The following GALC variants were observed in gnomAD, a reference collection of about 807,000 sequenced individuals.
GALC encodes galactocerebrosidase.
Under a neutral mutation model 91.8 loss-of-function variants are expected in GALC, and 77 were observed. That is an observed-to-expected ratio of 0.84 (90% CI 0.70 to 1.01). The LOEUF (loss-of-function observed/expected upper bound fraction) is 1.01. GALC is among the 50% of genes least tolerant of loss of function. GALC has a pLI of 0.00. For synonymous variants in GALC, 357 were observed against 306.7 expected, an observed-to-expected ratio of 1.16 and a Z score of -1.71; for missense variants, 882 against 855.9, an observed-to-expected ratio of 1.03 and a Z score of -0.38.
At chr14:87,993,479 AC>A (rs1555384465), upstream of GALC, 4 of 1,535,276 alleles carry the variant, frequency 2.6e-6, no homozygotes, top group Non-Finnish European at 3.5e-6. Flanking sequence ...GAGTGGCCCT[AC>A]CATGGCTCTT....
chr14:87,992,317 A>G, intron 1 of GALC: 2 of 1,535,756 alleles, frequency 1.3e-6, no homozygotes, highest in Non-Finnish European at 1.7e-6. Flanking sequence ...AAGGTCGGCC[A>G]CCATGAAGCC....
intron 14 of GALC, among the ~76,000 whole-genome samples, chr14:87,942,300 A>G (rs1371589176): frequency 6.6e-6 from 1 of 152,014 alleles, no homozygotes; most frequent in East Asian, 1.9e-4. Context: ...ATTTTCCCCT[A>G]TGAAGTATCT....
rs779883142 is a variant in GALC at position 87,993,171 on chromosome 14, G to A, written c.-7C>T. 3 of 1,586,918 alleles carry A rather than the reference G, an allele frequency of 1.9e-6. No individual in the cohort carries two copies. Among genetic ancestry groups the A allele is most frequent in the Middle Eastern group, 1.7e-4 (1 of 6,052 alleles). On this transcript the variant is annotated 5_prime_UTR_variant, in exon 1 of 17. Transcript: ENST00000261304. ...AGAGTAGCCACTCAGCCATTGTGTG[G>A]GTCACATGACTCCGGCGCCCAGGGA...
In GALC at chr14:87,949,940, A is replaced by G. The variant is rs768173742; in HGVS notation, c.1252-9T>C. ...AGCTCTGGTATTTCACTCTGTAAAG[A>G]AAAGACAAAAAAGCATGGCTGAGTA... On this transcript the variant is annotated splice_polypyrimidine_tract_variant and intron_variant, in intron 11 of 16. Coordinates refer to ENST00000261304, the MANE Select transcript of GALC (RefSeq NM_000153.4). 3.6e-6 allele frequency: 5 copies of G among 1,388,444 alleles called. No individual in the cohort carries two copies. In the South Asian group the frequency reaches 5.8e-5, roughly 16 times the overall value. 86.0% of individuals were successfully genotyped at this position (1,388,444 alleles called of 1,614,324 possible).
At chr14:87,978,184 T>C (rs1312086261) in intron 6 of GALC, among the ~76,000 whole-genome samples, 1 of 152,152 alleles carries the variant, frequency 6.6e-6, no homozygotes, top group Non-Finnish European at 1.5e-5. Flanking sequence ...CTCAAGTAGC[T>C]GGGATTACAG....
At chr14:87,952,896 T>C in intron 10 of GALC, 1 of 964,278 alleles carries the variant, frequency 1.0e-6, no homozygotes, top group South Asian at 1.3e-5. Flanking sequence ...AACTGAAAAG[T>C]ATCAAAAGCT....
chr14:87,974,962 TAAGAA>T (rs1199519881), intron 7 of GALC, among the ~76,000 whole-genome samples: 1 of 152,060 alleles, frequency 6.6e-6, no homozygotes, highest in Non-Finnish European at 1.5e-5. Context: ...AATATTTTTA[TAAGAA>T]AATATATTTA....
At chr14:87,988,708 T>C (rs1423337251) in intron 1 of GALC, among the ~76,000 whole-genome samples, 185 bp from the exon 2 acceptor site, 1 of 150,956 alleles carries the variant, frequency 6.6e-6, no homozygotes, top group African/African-American at 2.4e-5. Context: ...GTAGGGCTGC[T>C]GTCTGTCCGA....
intron 8 of GALC, among the ~76,000 whole-genome samples, chr14:87,967,137 A>G (rs1350829480): frequency 1.3e-5 from 2 of 152,244 alleles, no homozygotes; most frequent in African/African-American, 4.8e-5. Context: ...AAAATGATGA[A>G]GTAGAAATAT....
At chr14:87,953,764 G>C (rs1885405001) in intron 10 of GALC, 2 of 1,603,224 alleles carry the variant, frequency 1.2e-6, no homozygotes, top group Non-Finnish European at 1.7e-6. Context: ...TGAATTTAAG[G>C]GTATTAAAAA....
At chr14:87,964,659 C>CG (rs1566989826) in intron 9 of GALC, among the ~76,000 whole-genome samples, 1 of 152,022 alleles carries the variant, frequency 6.6e-6, no homozygotes, top group African/African-American at 2.4e-5. Context: ...TCAATAAAAA[C>CG]GGATGTATTA....
At position 87,934,402 on chromosome 14, in the gene GALC, A is replaced by G; in HGVS notation, c.*330T>C. 1 of 1,274,768 alleles carries G rather than the reference A, an allele frequency of 7.8e-7. No individual in the cohort carries two copies. Among genetic ancestry groups the G allele is most frequent in the Non-Finnish European group, 1.0e-6 (1 of 1,002,954 alleles). 79.0% of individuals were successfully genotyped at this position (1,274,768 alleles called of 1,614,324 possible). ...CTGCCATCTACAGGACCGCTTGCAAATAAGATGAAGAGAGCTACCTCAGTG... is the reference window on the plus strand; with the variant it reads ...CTGCCATCTACAGGACCGCTTGCAAGTAAGATGAAGAGAGCTACCTCAGTG... On this transcript the variant is annotated 3_prime_UTR_variant, in exon 17 of 17. Coordinates refer to ENST00000261304, the MANE Select transcript of GALC (RefSeq NM_000153.4).
intron 16 of GALC, 100 bp from the exon 17 acceptor site, chr14:87,934,978 T>G: frequency 1.2e-6 from 1 of 828,616 alleles, no homozygotes; most frequent in African/African-American, 1.7e-5. Context: ...GGAGCAAATG[T>G]ACTACTCACT....
intron 10 of GALC, 113 bp downstream of exon 10, chr14:87,963,271 C>CATCTGTCT: frequency 9.0e-7 from 1 of 1,117,094 alleles, no homozygotes; most frequent in East Asian, 2.5e-5. Flanking sequence ...AAGATCTTGG[C>CATCTGTCT]ATCTGTCTGT....
chr14:87,939,093 T>A lies in GALC; in HGVS notation c.1911+812A>T, dbSNP rs151297544. ...TATGAGTTTGGAAAAAATCTTCAAA[T>A]TCAATAATAGTGAATATTATTATAA... On this transcript the variant is annotated intron_variant, in intron 16 of 16. Transcript: ENST00000261304. Among the ~76,000 whole-genome samples the A allele has an allele frequency of 1.3e-3, 194 of 152,074 alleles. 1 individual carries two copies. The highest frequency in any genetic ancestry group is 4.4e-3 in the African/African-American group (182 of 41,536).
rs926735313 is a variant in GALC at position 87,984,432 on chromosome 14, C to T, written c.544G>A (p.Ala182Thr). 29 of 1,613,806 alleles carry T rather than the reference C, an allele frequency of 1.8e-5. No individual in the cohort carries two copies. Among genetic ancestry groups the T allele is most frequent in the Non-Finnish European group, 2.2e-5 (26 of 1,179,870 alleles). Residue 182 changes from alanine to threonine, a missense_variant, in exon 5 of 17, where the codon GCC (alanine) becomes ACC (threonine). Ala to Thr is a moderately conservative substitution (Grantham distance 58). Coordinates refer to ENST00000261304, the MANE Select transcript of GALC (RefSeq NM_000153.4). ...ATGTCCAAATCATGGTAACGCTTGG[C>T]GCCCACAATCCAGGTCACGACATAA... is the stretch of plus-strand genomic sequence containing the variant. ...AYYVVTWIVG[A>T]KRYHDLDIDY... is the part of the protein sequence containing the mutation.
chr14:87,980,836 C>T (rs1024180375), intron 6 of GALC, among the ~76,000 whole-genome samples: 1 of 152,146 alleles, frequency 6.6e-6, no homozygotes, highest in African/African-American at 2.4e-5. Context: ...CCTGACAAAC[C>T]AGTGTTGAGC....
chr14:87,934,672 GAACCAA>G lies in GALC; in HGVS notation c.*54_*59del. 6.2e-7 allele frequency: 1 copy of G among 1,610,698 alleles called. No homozygotes were observed. The highest frequency in any genetic ancestry group is 8.5e-7 in the Non-Finnish European group (1 of 1,178,546). On this transcript the variant is annotated 3_prime_UTR_variant, in exon 17 of 17. Transcript: ENST00000261304. ...TTCCAATGAAACAAGAATTGGCTCT[GAACCAA>G]AACCAAAAAGAAGGGAAGAAAATCC...
intron 10 of GALC, among the ~76,000 whole-genome samples, chr14:87,955,767 C>G (rs112102371): frequency 6.6e-6 from 1 of 151,742 alleles, no homozygotes; most frequent in Admixed American, 6.6e-5. Flanking sequence ...GTGGTTAGTT[C>G]GTGTCTAGGA....
Sources: allele counts gnomAD v4.1 joint callset (sites outside exome capture counted in the v4.1 genomes callset), GRCh38; gene constraint gnomAD v4.1.1; transcripts MANE v1.5; gene names NCBI Gene and HGNC (gene_info 2026-07-23, HGNC 2026-07-21).